Variants in LMO7 observed in about 807,000 individuals in gnomAD.
LMO7 encodes the protein LIM domain 7.
In LMO7, 120 loss-of-function variants were observed where a neutral mutation model predicts 206.5. The ratio of observed to expected loss-of-function variants is 0.58; its 90% CI spans 0.50 to 0.68. The LOEUF (loss-of-function observed/expected upper bound fraction) is 0.68. LMO7 is among the 30% of genes least tolerant of loss of function. The pLI is 0.00. For synonymous variants in LMO7, 706 were observed against 681.5 expected (o/e 1.04, Z -0.56); for missense variants, 1,959 against 1,957.9 (o/e 1.00, Z -0.01).
At chr13:75,632,462 A>G (rs959836361), upstream of LMO7, among the ~76,000 whole-genome samples, 7 of 152,370 alleles carry the variant, frequency 4.6e-5, no homozygotes, top group Non-Finnish European at 8.8e-5. Flanking sequence ...TTCAACCTTC[A>G]TTTATTGAGT....
intron 2 of LMO7, among the ~76,000 whole-genome samples, chr13:75,626,595 A>ATTTTTTTTTTTTTTTTTTTTTTT (rs1240937141): frequency 1.8e-4 from 13 of 71,180 alleles, no homozygotes; most frequent in Non-Finnish European, 3.3e-4. Context: ...ATATATATAA[A>ATTTTTTTTTTTTTTTTTTTTTTT]TTTTTTTGAG....
rs559169491 is a variant in LMO7 at position 75,693,801 on chromosome 13, G to A, written c.70-19381G>A. ...GCCTGGCTGAGAGGCAGTGAGGCTG[G>A]TTTTCTTTCTCACCCTCTCCTCCTC... On this transcript the variant is annotated intron_variant, in intron 1 of 30. Transcript: ENST00000377534. Among the ~76,000 whole-genome samples the A allele has an allele frequency of 5.9e-5, 9 of 152,244 alleles. 1 individual carries two copies. The East Asian group carries it at 1.7e-3, about 29-fold the overall frequency.
intron 11 of LMO7, among the ~76,000 whole-genome samples, chr13:75,809,942 C>T (rs2056125151): frequency 6.6e-6 from 1 of 151,376 alleles, no homozygotes; most frequent in African/African-American, 2.4e-5. Flanking sequence ...AGCAATTCTC[C>T]TGTCTCAGCC....
chr13:75,684,189 G>A (rs930110950), intron 1 of LMO7, among the ~76,000 whole-genome samples: 2 of 152,124 alleles, frequency 1.3e-5, no homozygotes, highest in African/African-American at 2.4e-5. Context: ...TATTTTTGGT[G>A]TACAGAAGTA....
rs1479499540 is a variant in LMO7, at chr13:75,705,006, A to T, written c.70-8176A>T. Reference sequence around the variant, plus strand: ...CTTCTACAGAACCTGTTTTTTAATAACTTCCTATCAAGGGCTTCTTCGGAG... The same window carrying T: ...CTTCTACAGAACCTGTTTTTTAATATCTTCCTATCAAGGGCTTCTTCGGAG... On this transcript the variant is annotated intron_variant, in intron 1 of 30. Coordinates refer to ENST00000377534, the MANE Select transcript of LMO7 (RefSeq NM_001306080.2). Among the ~76,000 whole-genome samples the T allele has an allele frequency of 2.0e-5, 3 of 152,324 alleles. No individual in the cohort carries two copies. In the East Asian group the frequency reaches 5.8e-4, roughly 29 times the overall value.
At chr13:75,741,308 A>G (rs1222059405) in intron 3 of LMO7, among the ~76,000 whole-genome samples, 4 of 152,196 alleles carry the variant, frequency 2.6e-5, no homozygotes, top group African/African-American at 4.8e-5. Context: ...TCTTCCAAAT[A>G]AAGACATAGG....
intron 1 of LMO7, among the ~76,000 whole-genome samples, chr13:75,687,519 C>T (rs952340238): frequency 6.6e-6 from 1 of 152,024 alleles, no homozygotes; most frequent in Non-Finnish European, 1.5e-5. Flanking sequence ...CAATAAAATA[C>T]ATTTTTTTTC....
In LMO7 at chr13:75,823,619, A is replaced by T; in HGVS notation, c.2695A>T (p.Asn899Tyr). 1 of 1,614,164 alleles carries T rather than the reference A, an allele frequency of 6.2e-7. No homozygotes were observed. The highest frequency in any genetic ancestry group is 1.1e-5 in the South Asian group (1 of 91,076). Residue 899 changes from asparagine (N) to tyrosine (Y), a missense_variant, in exon 15 of 31, where the codon AAC (asparagine) becomes TAC (tyrosine). Asn to Tyr is a moderately radical substitution (Grantham distance 143, BLOSUM62 -2). Coordinates refer to ENST00000377534, the MANE Select transcript of LMO7 (RefSeq NM_001306080.2). ...TGTTGAAGACATTAAGAGAACTCCA[A>T]ACAATGTGGTCAGCACCCCTGCACC... The part of the protein sequence containing the change: ...GDVEDIKRTP[N>Y]NVVSTPAPSP...
At chr13:75,748,420 T>C (rs974971786) in intron 3 of LMO7, among the ~76,000 whole-genome samples, 4 of 152,224 alleles carry the variant, frequency 2.6e-5, no homozygotes, top group Non-Finnish European at 4.4e-5. Flanking sequence ...AGTTTCCTCA[T>C]GTGTGAAGTG....
At chr13:75,810,162 A>G (rs2056165161) in intron 11 of LMO7, among the ~76,000 whole-genome samples, 1 of 152,160 alleles carries the variant, frequency 6.6e-6, no homozygotes, top group African/African-American at 2.4e-5. Context: ...ACAAAATCAC[A>G]AGGTGGCTAT....
At chr13:75,791,380 A>C (rs922128813) in intron 4 of LMO7, among the ~76,000 whole-genome samples, 8 of 152,186 alleles carry the variant, frequency 5.3e-5, no homozygotes, top group African/African-American at 1.9e-4. Context: ...AAGTAGGTTA[A>C]TGCAATTTAA....
intron 1 of LMO7, among the ~76,000 whole-genome samples, chr13:75,709,420 T>C (rs1161133578): frequency 6.6e-6 from 1 of 151,864 alleles, no homozygotes; most frequent in South Asian, 2.1e-4. Flanking sequence ...ACCACCAGTG[T>C]AAAAGTGTTC....
intron 4 of LMO7, among the ~76,000 whole-genome samples, chr13:75,781,580 A>G (rs1424341239): frequency 6.6e-5 from 10 of 152,040 alleles, no homozygotes; most frequent in Admixed American, 5.9e-4. Flanking sequence ...TAGTGCCGCA[A>G]TAAACATACA....
chr13:75,854,710 A>G (rs923554603), intron 28 of LMO7, among the ~76,000 whole-genome samples: 1 of 152,132 alleles, frequency 6.6e-6, no homozygotes, highest in Non-Finnish European at 1.5e-5. Flanking sequence ...TGCAGAGACA[A>G]TCCTGTAAGT....
intron 6 of LMO7, among the ~76,000 whole-genome samples, chr13:75,800,417 G>A (rs1048810879): frequency 2.0e-5 from 3 of 152,054 alleles, no homozygotes; most frequent in African/African-American, 7.2e-5. Context: ...TAGAACATAT[G>A]TACTAGTTTA....
At chr13:75,811,143 CA>C (rs1266871147) in intron 11 of LMO7, among the ~76,000 whole-genome samples, 1 of 151,636 alleles carries the variant, frequency 6.6e-6, no homozygotes, top group Non-Finnish European at 1.5e-5. Context: ...AAATTTATAA[CA>C]AAGGATTTCT....
chr13:75,621,816 C>G (rs1455255017), exon 1 of LMO7: 2 of 1,611,556 alleles, frequency 1.2e-6, no homozygotes, highest in Non-Finnish European at 1.7e-6. Flanking sequence ...GTGCTCATGT[C>G]TGCATCTGTG....
At chr13:75,679,977 C>T (rs1159334535) in intron 1 of LMO7, among the ~76,000 whole-genome samples, 1 of 152,060 alleles carries the variant, frequency 6.6e-6, no homozygotes, top group African/African-American at 2.4e-5. Context: ...TAAACGTGTG[C>T]CATGGTAGTT....
chr13:75,760,765 C>T, intron 3 of LMO7, 167 bp from the exon 4 acceptor site: 1 of 1,537,608 alleles, frequency 6.5e-7, no homozygotes, highest in Non-Finnish European at 8.7e-7. Context: ...AAAGGCTGTA[C>T]AAGCCCTATG....
Sources: allele counts gnomAD v4.1 joint callset (sites outside exome capture counted in the v4.1 genomes callset), GRCh38; gene constraint gnomAD v4.1.1; transcripts MANE v1.5; gene names NCBI Gene and HGNC (gene_info 2026-07-23, HGNC 2026-07-21).